Variants in MACROD2 observed in about 807,000 individuals in gnomAD.
MACROD2 encodes the protein ADP-ribose glycohydrolase MACROD2.
A neutral mutation model predicts 70.4 loss-of-function variants in MACROD2; 36 were observed. That is an observed-to-expected ratio of 0.51 (90% CI 0.39 to 0.68). MACROD2 has a LOEUF of 0.68. Among genes scored for constraint, MACROD2 ranks in the 30% least tolerant of loss-of-function variants. MACROD2 has a pLI of 0.00. For synonymous variants in MACROD2, 172 were observed against 178.8 expected (o/e 0.96, Z 0.30); for missense variants, 496 against 538.4 (o/e 0.92, Z 0.78).
rs375025202 is a variant in MACROD2 at position 15,336,374 on chromosome 20, C to CA, written c.541-95019dup. ...ACTAGAATTAATTGTGTGTTTTAAC[C>CA]AAAAAAAAAAAAGAAAAAAAAAGGT... On this transcript the variant is annotated intron_variant, in intron 6 of 17. Transcript: ENST00000684519. Among the ~76,000 whole-genome samples the CA allele has an allele frequency of 2.7e-3, 287 of 104,734 alleles. 4 individuals are homozygous for CA. The highest frequency in any genetic ancestry group is 7.9e-3 in the South Asian group (25 of 3,152). The allele number at this position is 104,734 out of a possible 152,430, so 68.7% of individuals were successfully genotyped here.
intron 4 of MACROD2, among the ~76,000 whole-genome samples, chr20:14,658,112 C>G (rs578196325): frequency 6.6e-6 from 1 of 151,826 alleles, no homozygotes; most frequent in East Asian, 1.9e-4. Flanking sequence ...AACAGTTTCA[C>G]TTCTAAGATG....
intron 6 of MACROD2, among the ~76,000 whole-genome samples, chr20:15,391,637 G>T (rs1252104465): frequency 6.6e-6 from 1 of 152,200 alleles, no homozygotes. Context: ...AAGTCACCAA[G>T]ATCTTCCATT....
chr20:14,064,597 T>C (rs562968825), intron 2 of MACROD2, among the ~76,000 whole-genome samples: 1 of 152,342 alleles, frequency 6.6e-6, no homozygotes, highest in South Asian at 2.1e-4. Context: ...CGAGTATTAT[T>C]GCTGACATTT....
intron 5 of MACROD2, among the ~76,000 whole-genome samples, chr20:15,058,841 TGAGA>T (rs1476642226): frequency 6.6e-6 from 1 of 152,136 alleles, no homozygotes; most frequent in Non-Finnish European, 1.5e-5. Context: ...TACCTACATG[TGAGA>T]GAGTGTTTTA....
At chr20:14,416,236 C>T (rs919971322) in intron 3 of MACROD2, among the ~76,000 whole-genome samples, 22 of 152,208 alleles carry the variant, frequency 1.4e-4, no homozygotes, top group African/African-American at 4.8e-4. Flanking sequence ...GGATTACAGG[C>T]GTGAGCCACC....
At chr20:14,255,151 C>T (rs1234146594) in intron 3 of MACROD2, among the ~76,000 whole-genome samples, 12 of 152,104 alleles carry the variant, frequency 7.9e-5, no homozygotes, top group Non-Finnish European at 1.5e-4. Flanking sequence ...CCCGACCTTT[C>T]TCTCTGGCTG....
intron 5 of MACROD2, among the ~76,000 whole-genome samples, chr20:15,202,105 A>G (rs2076661636): frequency 6.6e-6 from 1 of 152,194 alleles, no homozygotes; most frequent in Non-Finnish European, 1.5e-5. Context: ...CATTTGAAGG[A>G]CCAGACGAAC....
chr20:15,684,388 G>A (rs1272643044), intron 8 of MACROD2, among the ~76,000 whole-genome samples: 3 of 152,186 alleles, frequency 2.0e-5, no homozygotes, highest in Non-Finnish European at 4.4e-5. Context: ...ATCCCCAGAG[G>A]CTCTTTCAAA....
At chr20:15,712,931 A>C (rs1245089200) in intron 8 of MACROD2, among the ~76,000 whole-genome samples, 1 of 152,232 alleles carries the variant, frequency 6.6e-6, no homozygotes, top group Admixed American at 6.5e-5. Context: ...TCTCATATGC[A>C]GTGCAACTAG....
intron 7 of MACROD2, among the ~76,000 whole-genome samples, chr20:15,435,117 A>T (rs2046411567): frequency 6.6e-6 from 1 of 152,076 alleles, no homozygotes; most frequent in Non-Finnish European, 1.5e-5. Flanking sequence ...AGAAATTACC[A>T]CCAAAGAATT....
chr20:15,352,624 T>C (rs904231543), intron 6 of MACROD2, among the ~76,000 whole-genome samples: 4 of 152,162 alleles, frequency 2.6e-5, no homozygotes, highest in African/African-American at 9.7e-5. Context: ...GTAATATCCT[T>C]TGTTAAAGAG....
chr20:14,053,903 G>T (rs1293119712), intron 2 of MACROD2, among the ~76,000 whole-genome samples: 1 of 151,932 alleles, frequency 6.6e-6, no homozygotes, highest in Non-Finnish European at 1.5e-5. Flanking sequence ...GTAATATTAA[G>T]GATATTGATT....
intron 7 of MACROD2, among the ~76,000 whole-genome samples, chr20:15,486,938 T>C (rs1282705339): frequency 6.6e-6 from 1 of 152,206 alleles, no homozygotes; most frequent in Non-Finnish European, 1.5e-5. Context: ...GGGTTGGCTG[T>C]GGTTTAACTG....
intron 8 of MACROD2, among the ~76,000 whole-genome samples, chr20:15,566,702 T>C (rs944787676): frequency 6.6e-6 from 1 of 152,208 alleles, no homozygotes; most frequent in African/African-American, 2.4e-5. Context: ...TTCCATCTTA[T>C]TGCTTAGGCC....
intron 7 of MACROD2, among the ~76,000 whole-genome samples, chr20:15,482,792 T>A (rs1025850880): frequency 2.0e-5 from 3 of 152,176 alleles, no homozygotes; most frequent in African/African-American, 7.2e-5. Flanking sequence ...TCTTTGTTGT[T>A]TTAATTTGCA....
At chr20:16,012,464 T>C (rs1158219602) in intron 15 of MACROD2, among the ~76,000 whole-genome samples, 1 of 152,198 alleles carries the variant, frequency 6.6e-6, no homozygotes, top group African/African-American at 2.4e-5. Context: ...GTCATCAGCA[T>C]TTTAAAAATC....
intron 5 of MACROD2, among the ~76,000 whole-genome samples, chr20:14,748,009 A>G (rs561673216): frequency 7.9e-5 from 12 of 152,124 alleles, no homozygotes; most frequent in Non-Finnish European, 1.5e-4. Flanking sequence ...GGAGGAAGCC[A>G]TATACCTGTC....
rs180890823 is a variant in MACROD2 at position 14,067,852 on chromosome 20, T to C, written c.164-17769T>C. On this transcript the variant is annotated intron_variant, in intron 2 of 17. Transcript: ENST00000684519. ...GCACAGTGACTCAGCACATGGGTTC[T>C]AGAATCAGACTTCCATTGTTCAAAT... Among the ~76,000 whole-genome samples, 16 of 152,332 alleles carry C rather than the reference T, an allele frequency of 1.1e-4. No individual in the cohort carries two copies. In the East Asian group the frequency reaches 2.9e-3, roughly 28 times the overall value.
chr20:14,771,412 A>G (rs1198173859), intron 5 of MACROD2, among the ~76,000 whole-genome samples: 2 of 152,088 alleles, frequency 1.3e-5, no homozygotes, highest in African/African-American at 4.8e-5. Context: ...AATTATAACT[A>G]TAAAGTAGGT....
Sources: gnomAD v4.1 joint callset for allele counts (sites outside exome capture counted in the v4.1 genomes callset) on GRCh38, gnomAD v4.1.1 for gene constraint, MANE v1.5 for transcripts, NCBI Gene and HGNC (gene_info 2026-07-23, HGNC 2026-07-21) for gene names.